Variants in SMYD3 observed in about 807,000 individuals in gnomAD.
SMYD3 encodes the protein histone-lysine N-methyltransferase SMYD3.
Under a neutral mutation model 57.7 loss-of-function variants are expected in SMYD3, and 36 were observed. That is an observed-to-expected ratio of 0.62 (90% confidence interval 0.48 to 0.82). The LOEUF (loss-of-function observed/expected upper bound fraction) is 0.82, where lower values mean the gene tolerates loss of function less well. Ranked by LOEUF, SMYD3 falls within the 40% of genes least tolerant of loss-of-function variation. The probability of loss-of-function intolerance (pLI) is 0.00; values close to 1 mark genes in which losing one functional copy is unlikely to be tolerated. For synonymous variants in SMYD3, 211 were observed against 195.0 expected (o/e 1.08, Z -0.68); for missense variants, 515 against 538.8 (o/e 0.96, Z 0.44).
intron 5 of SMYD3, chr1:246,025,812 C>T (rs2059563382): frequency 6.6e-6 from 1 of 152,230 alleles, no homozygotes; most frequent in Admixed American, 6.5e-5. Context: ...ACCTAAGGTG[C>T]TATATGTGAG....
intron 10 of SMYD3, among the ~76,000 whole-genome samples, chr1:245,788,373 C>T (rs1042858306): frequency 6.6e-6 from 1 of 152,210 alleles, no homozygotes; most frequent in African/African-American, 2.4e-5. Flanking sequence ...AGACTACAAG[C>T]TTTGTGGTCT....
At chr1:246,108,956 A>G (rs920760742) in intron 5 of SMYD3, among the ~76,000 whole-genome samples, 3 of 152,158 alleles carry the variant, frequency 2.0e-5, no homozygotes, top group Admixed American at 1.3e-4. Flanking sequence ...TCTTCTGTGT[A>G]GTCTTCTTTG....
intron 1 of SMYD3, among the ~76,000 whole-genome samples, chr1:246,479,830 T>C (rs58656108): frequency 0.033 from 5,053 of 152,226 alleles, 236 homozygotes; most frequent in African/African-American, 0.11. Flanking sequence ...TTTTGTCTGT[T>C]GTGGTTCTCT....
At chr1:246,106,096 C>T (rs2061112981) in intron 5 of SMYD3, among the ~76,000 whole-genome samples, 1 of 152,180 alleles carries the variant, frequency 6.6e-6, no homozygotes, top group Non-Finnish European at 1.5e-5. Flanking sequence ...GGAAACCTTC[C>T]TAATCCTACT....
rs576689344 is a variant in SMYD3, at chr1:246,363,651, C to T, written c.165-8557G>A. 5.9e-5 allele frequency among the ~76,000 whole-genome samples: 9 copies of T among 152,332 alleles called. No homozygotes were observed. In the East Asian group the frequency reaches 1.5e-3, roughly 26 times the overall value. Reference sequence around the variant, plus strand: ...AACCCTGTGCTCTCTGAAACATGTGCTGTGTCCACTCAGGGTTGAATGGAT... The same window carrying T: ...AACCCTGTGCTCTCTGAAACATGTGTTGTGTCCACTCAGGGTTGAATGGAT... On this transcript the variant is annotated intron_variant, in intron 1 of 11. Coordinates refer to ENST00000490107, the MANE Select transcript of SMYD3 (RefSeq NM_001167740.2).
chr1:245,833,481 A>C (rs2049957787), intron 10 of SMYD3, among the ~76,000 whole-genome samples: 2 of 152,040 alleles, frequency 1.3e-5, no homozygotes, highest in Admixed American at 1.3e-4. Context: ...TGCTTTTCTC[A>C]AGACTAAATG....
intron 1 of SMYD3, among the ~76,000 whole-genome samples, chr1:246,457,542 AAAAAAAGAAAAG>A (rs1430908668): frequency 2.1e-5 from 2 of 95,810 alleles, no homozygotes; most frequent in Admixed American, 1.0e-4. Context: ...CAAAAAAAAA[AAAAAAAGAAAAG>A]AAAAGAAAAG....
chr1:246,469,797 A>G (rs1057401001), intron 1 of SMYD3, among the ~76,000 whole-genome samples: 1 of 152,216 alleles, frequency 6.6e-6, no homozygotes, highest in Admixed American at 6.5e-5. Flanking sequence ...GACGAGGAAT[A>G]GACATTTGCA....
At chr1:246,127,448 A>T (rs1397301346) in intron 5 of SMYD3, among the ~76,000 whole-genome samples, 1 of 152,188 alleles carries the variant, frequency 6.6e-6, no homozygotes, top group African/African-American at 2.4e-5. Flanking sequence ...TAGTTGAGAA[A>T]TCCTGTAGAA....
intron 5 of SMYD3, among the ~76,000 whole-genome samples, chr1:245,967,798 G>A (rs1003195634): frequency 3.3e-5 from 5 of 152,146 alleles, no homozygotes; most frequent in African/African-American, 7.2e-5. Context: ...TTCCATTTGC[G>A]ACTAATTTAC....
chr1:246,246,031 T>C (rs1457319488), intron 5 of SMYD3, among the ~76,000 whole-genome samples: 1 of 152,208 alleles, frequency 6.6e-6, no homozygotes, highest in Non-Finnish European at 1.5e-5. Context: ...TTCATTTGGT[T>C]TTCATGAAAT....
chr1:245,814,879 C>T (rs2048711341), intron 10 of SMYD3, among the ~76,000 whole-genome samples: 1 of 151,648 alleles, frequency 6.6e-6, no homozygotes, highest in Admixed American at 6.6e-5. Context: ...CACACGCACG[C>T]ACACACGCAT....
At chr1:246,191,391 T>A (rs912498368) in intron 5 of SMYD3, among the ~76,000 whole-genome samples, 1 of 152,226 alleles carries the variant, frequency 6.6e-6, no homozygotes, top group African/African-American at 2.4e-5. Flanking sequence ...TCCTCATGAT[T>A]AACCTTGGGT....
At chr1:246,102,412 T>C (rs2061031217) in intron 5 of SMYD3, among the ~76,000 whole-genome samples, 1 of 151,984 alleles carries the variant, frequency 6.6e-6, no homozygotes. Flanking sequence ...CCACTGAAAC[T>C]CCATTTGGTT....
intron 5 of SMYD3, among the ~76,000 whole-genome samples, chr1:245,953,831 G>T (rs1252147576): frequency 6.6e-6 from 1 of 152,146 alleles, no homozygotes; most frequent in East Asian, 1.9e-4. Context: ...ACAAACACAG[G>T]ACTTTTCACA....
intron 5 of SMYD3, among the ~76,000 whole-genome samples, chr1:245,946,743 A>T (rs1002227964): frequency 1.3e-5 from 2 of 152,190 alleles, no homozygotes; most frequent in Admixed American, 1.3e-4. Context: ...TCATTCATTA[A>T]GGGTCTATTA....
At chr1:245,852,836 G>A (rs957254517) in intron 10 of SMYD3, among the ~76,000 whole-genome samples, 3 of 152,102 alleles carry the variant, frequency 2.0e-5, no homozygotes, top group African/African-American at 4.8e-5. Flanking sequence ...AGGTGATCAC[G>A]GCCCCAGTGT....
chr1:246,161,865 A>C (rs2062126340), intron 5 of SMYD3, among the ~76,000 whole-genome samples: 1 of 152,172 alleles, frequency 6.6e-6, no homozygotes, highest in African/African-American at 2.4e-5. Flanking sequence ...TTAAGCCAAT[A>C]GCAGGCTTCA....
At chr1:246,116,213 C>CGG in intron 5 of SMYD3, among the ~76,000 whole-genome samples, 1 of 99,846 alleles carries the variant, frequency 1.0e-5, no homozygotes, top group African/African-American at 6.9e-5. Flanking sequence ...CACACACACA[C>CGG]ACACACACAC....
Sources: allele counts gnomAD v4.1 joint callset (sites outside exome capture counted in the v4.1 genomes callset), GRCh38; gene constraint gnomAD v4.1.1; transcripts MANE v1.5; gene names NCBI Gene and HGNC (gene_info 2026-07-23, HGNC 2026-07-21).